ACTN4: variants seen among roughly 807,000 people sequenced by gnomAD.
ACTN4 encodes the protein actinin alpha 4.
In ACTN4, 18 loss-of-function variants were observed where a neutral mutation model predicts 114.2. The ratio of observed to expected loss-of-function variants is 0.16; its 90% CI spans 0.11 to 0.23. ACTN4 has a LOEUF of 0.23. Ranked by LOEUF, ACTN4 falls within the 10% of genes least tolerant of loss-of-function variation. The pLI is 1.00. For missense variants in ACTN4, 722 were observed against 1,262.9 expected, an observed-to-expected ratio of 0.57 and a Z score of 6.49; for synonymous variants, 515 against 506.3, an observed-to-expected ratio of 1.02 and a Z score of -0.23.
At chr19:38,718,472 G>A (rs1599847591) in intron 11 of ACTN4, among the ~76,000 whole-genome samples, 2 of 152,074 alleles carry the variant, frequency 1.3e-5, no homozygotes, top group Admixed American at 1.3e-4. Context: ...GGAGGTCAAG[G>A]CTGCAGTGAG....
chr19:38,711,700 C>A (rs1439448227), intron 8 of ACTN4, among the ~76,000 whole-genome samples: 1 of 152,234 alleles, frequency 6.6e-6, no homozygotes, highest in East Asian at 1.9e-4. Context: ...CGTTCCCACT[C>A]GCCCTGTCCA....
intron 1 of ACTN4, chr19:38,648,267 G>A: frequency 1.0e-5 from 2 of 198,978 alleles, no homozygotes; most frequent in Non-Finnish European, 2.0e-5. Flanking sequence ...AAGGGTCGGA[G>A]CATGGGTTGG....
chr19:38,702,529 C>G (rs1968314342), intron 3 of ACTN4, among the ~76,000 whole-genome samples: 1 of 152,240 alleles, frequency 6.6e-6, no homozygotes, highest in South Asian at 2.1e-4. Flanking sequence ...CCCTCCGTTA[C>G]CAGCTGCACC....
intron 1 of ACTN4, among the ~76,000 whole-genome samples, chr19:38,693,312 A>G (rs1230674685): frequency 1.3e-5 from 2 of 152,192 alleles, no homozygotes; most frequent in Non-Finnish European, 2.9e-5. Flanking sequence ...CTAGGCCCAA[A>G]GCGACTTTGC....
rs1422773380 is a variant in ACTN4, at chr19:38,727,756, A to G, written c.2338-190A>G. Reference sequence around the variant, plus strand: ...CCTTTGAGCTTCCGAGGTTGGGGAAAGGATGAAAGGGGCCCGTGCCGCCCC... The same window carrying G: ...CCTTTGAGCTTCCGAGGTTGGGGAAGGGATGAAAGGGGCCCGTGCCGCCCC... On this transcript the variant is annotated intron_variant, in intron 18 of 20. Coordinates refer to ENST00000252699, the MANE Select transcript of ACTN4 (RefSeq NM_004924.6). The surrounding 1 kb of genome is among the most constrained non-coding windows in gnomAD (Gnocchi z 5.4). The G allele has an allele frequency of 4.9e-6, 3 of 610,684 alleles. No individual in the cohort carries two copies. The highest frequency in any genetic ancestry group is 2.8e-5 in the Admixed American group (1 of 35,902). The allele number at this position is 610,684 out of a possible 1,614,324, so 37.8% of individuals were successfully genotyped here. A position where few individuals can be genotyped will look rare whatever the true frequency, so the allele number is the denominator to read the frequency against.
intron 1 of ACTN4, among the ~76,000 whole-genome samples, chr19:38,656,378 C>A (rs1032862531): frequency 6.6e-6 from 1 of 152,176 alleles, no homozygotes; most frequent in African/African-American, 2.4e-5. Flanking sequence ...CCACGCCCAG[C>A]CAACTTTTTC....
intron 11 of ACTN4, among the ~76,000 whole-genome samples, chr19:38,720,255 C>A (rs1223839478): frequency 2.0e-5 from 3 of 152,194 alleles, no homozygotes; most frequent in Admixed American, 6.5e-5. Flanking sequence ...GGAATACGAC[C>A]AACCCCGAAC....
At chr19:38,698,502 A>T (rs1968165091) in intron 1 of ACTN4, among the ~76,000 whole-genome samples, 1 of 152,186 alleles carries the variant, frequency 6.6e-6, no homozygotes. Flanking sequence ...TGGAGACAAG[A>T]ACTGTTAGAG....
At chr19:38,718,363 C>A (rs2145067327) in intron 11 of ACTN4, 1 of 501,190 alleles carries the variant, frequency 2.0e-6, no homozygotes, top group South Asian at 1.8e-5. Context: ...CCTGCCTATA[C>A]AAAAAAATTT....
intron 11 of ACTN4, 118 bp from the exon 12 acceptor site, chr19:38,721,420 G>T: frequency 8.1e-7 from 1 of 1,240,104 alleles, no homozygotes; most frequent in East Asian, 2.4e-5. Flanking sequence ...ACTGTCATTG[G>T]CATGGAAGGA....
At chr19:38,657,237 G>A (rs1203517809) in intron 1 of ACTN4, among the ~76,000 whole-genome samples, 5 of 151,822 alleles carry the variant, frequency 3.3e-5, no homozygotes, top group South Asian at 2.1e-4. Context: ...CTGCCTCCCC[G>A]GTTCAAGTGA....
intron 1 of ACTN4, among the ~76,000 whole-genome samples, chr19:38,649,245 G>C (rs1976483172): frequency 7.3e-6 from 1 of 136,460 alleles, no homozygotes; most frequent in African/African-American, 2.7e-5. Context: ...AGTGGAGTGG[G>C]ATCCCCGAGC....
intron 1 of ACTN4, among the ~76,000 whole-genome samples, chr19:38,659,243 G>A (rs1976806190): frequency 1.3e-5 from 2 of 151,514 alleles, no homozygotes; most frequent in Non-Finnish European, 2.9e-5. Flanking sequence ...TATTTTTTAG[G>A]AGAGACGGAG....
chr19:38,676,572 T>G (rs1967382661), intron 1 of ACTN4, among the ~76,000 whole-genome samples: 2 of 152,168 alleles, frequency 1.3e-5, no homozygotes, highest in Non-Finnish European at 2.9e-5. Context: ...ACCACATGTG[T>G]CCTTCCCTCT....
chr19:38,721,913 T>C (rs1969059553), intron 12 of ACTN4: 1 of 667,246 alleles, frequency 1.5e-6, no homozygotes, highest in Non-Finnish European at 2.6e-6. Flanking sequence ...TTGGATTCTC[T>C]AGCAGGAGGG....
At chr19:38,725,944 G>C in intron 17 of ACTN4, 41 bp downstream of exon 17, 1 of 1,610,152 alleles carries the variant, frequency 6.2e-7, no homozygotes, top group Non-Finnish European at 8.5e-7. Context: ...CACCAGCATG[G>C]CCGGCTTCCT....
Position 38,727,920 on chromosome 19 carries a change from C to T in ACTN4, c.2338-26C>T. ...TGGTCTCCACGCCGCCCCTCCCGCA[C>T]ACCTGCCTTCGGATGGCCCCGGCAG... On this transcript the variant is annotated intron_variant, in intron 18 of 20. Coordinates refer to ENST00000252699, the MANE Select transcript of ACTN4 (RefSeq NM_004924.6). The surrounding 1 kb of genome is among the most constrained non-coding windows in gnomAD (Gnocchi z 5.4). 2.5e-6 allele frequency: 4 copies of T among 1,610,986 alleles called. No individual in the cohort carries two copies. The highest frequency in any genetic ancestry group is 3.4e-6 in the Non-Finnish European group (4 of 1,178,780).
intron 1 of ACTN4, among the ~76,000 whole-genome samples, chr19:38,685,226 G>A (rs1967705068): frequency 6.6e-6 from 1 of 152,162 alleles, no homozygotes; most frequent in Admixed American, 6.5e-5. Context: ...TTACAGGTGT[G>A]AGCCACCGTG....
chr19:38,717,851 C>T lies in ACTN4; in HGVS notation c.1144-76C>T. 1 of 1,541,702 alleles carries T rather than the reference C, an allele frequency of 6.5e-7. No homozygotes were observed. Among genetic ancestry groups the T allele is most frequent in the Non-Finnish European group, 8.8e-7 (1 of 1,140,542 alleles). On this transcript the variant is annotated intron_variant, in intron 10 of 20. Transcript: ENST00000252699. This position sits in a 1 kb window ranked among gnomAD's most constrained non-coding sequence, Gnocchi z 4.0. ...CAGCCAAGTTCTGCCACCTTCCCAT[C>T]AGCATCCCTTGGAGACATCCCCCTG...
Sources: allele counts gnomAD v4.1 joint callset (sites outside exome capture counted in the v4.1 genomes callset), GRCh38; gene constraint gnomAD v4.1.1; non-coding constraint Gnocchi (gnomAD v3.1); transcripts MANE v1.5; gene names NCBI Gene and HGNC (gene_info 2026-07-23, HGNC 2026-07-21).